Variants in KDM5B observed in about 807,000 individuals in gnomAD.
The protein encoded by KDM5B is lysine-specific demethylase 5B.
Under a neutral mutation model 193.4 loss-of-function variants are expected in KDM5B, and 144 were observed. The observed-to-expected ratio is 0.74, with a 90% CI of 0.65 to 0.86. KDM5B has a LOEUF of 0.86. Ranked by LOEUF, KDM5B falls within the 40% of genes least tolerant of loss-of-function variation. KDM5B has a pLI of 0.00. For missense variants in KDM5B, 1,833 were observed against 1,886.9 expected (o/e 0.97, Z 0.53); for synonymous variants, 668 against 682.6 (o/e 0.98, Z 0.33).
At chr1:202,771,613 G>A (rs1656723089) in intron 4 of KDM5B, among the ~76,000 whole-genome samples, 1 of 139,286 alleles carries the variant, frequency 7.2e-6, no homozygotes, top group African/African-American at 2.7e-5. Context: ...GAAGAGTCTT[G>A]CTCTGTCACC....
rs1654751903 is a variant in KDM5B at position 202,728,433 on chromosome 1, G to C, written c.*603C>G. 1 of 152,756 alleles carries C rather than the reference G, an allele frequency of 6.5e-6. No individual in the cohort carries two copies. The highest frequency in any genetic ancestry group is 2.1e-4 in the South Asian group (1 of 4,836). 9.5% of individuals were successfully genotyped at this position (152,756 alleles called of 1,614,324 possible). A position where few individuals can be genotyped will look rare whatever the true frequency, so the allele number is the denominator to read the frequency against. ...GCACCAACACACTGTTTGGAAGTTT[G>C]TTTTGTTTTGTTTTAATTCCAGCCA... On this transcript the variant is annotated 3_prime_UTR_variant, in exon 27 of 27. Coordinates refer to ENST00000367265, the MANE Select transcript of KDM5B (RefSeq NM_006618.5).
chr1:202,746,779 A>T (rs1402809744), intron 14 of KDM5B, among the ~76,000 whole-genome samples: 1 of 152,226 alleles, frequency 6.6e-6, no homozygotes, highest in Non-Finnish European at 1.5e-5. Context: ...ACTATCGTGC[A>T]GAAATTGAGT....
At chr1:202,778,982 G>A (rs991500078) in intron 1 of KDM5B, among the ~76,000 whole-genome samples, 2 of 152,030 alleles carry the variant, frequency 1.3e-5, no homozygotes, top group African/African-American at 4.8e-5. Flanking sequence ...GTCGGGGGGC[G>A]GAACAGGCTT....
At position 202,807,647 on chromosome 1, in the gene KDM5B, A is replaced by AC. The variant is rs2102360091; in HGVS notation, c.204+454dup. Among the ~76,000 whole-genome samples the AC allele has an allele frequency of 3.1e-5, 2 of 63,656 alleles. 1 individual carries two copies. Among genetic ancestry groups the AC allele is most frequent in the South Asian group, 1.3e-3 (2 of 1,566 alleles). The allele number at this position is 63,656 out of a possible 152,430, so 41.8% of individuals were successfully genotyped here. ...TCGCACGACAACTCGCAAGTCCCCC[A>AC]CCCCCACCCCACCCCATCACACACC... On this transcript the variant is annotated intron_variant, in intron 1 of 26. Coordinates refer to ENST00000367265, the MANE Select transcript of KDM5B (RefSeq NM_006618.5).
At chr1:202,804,390 G>A (rs1658200732) in intron 1 of KDM5B, among the ~76,000 whole-genome samples, 1 of 151,944 alleles carries the variant, frequency 6.6e-6, no homozygotes, top group African/African-American at 2.4e-5. Flanking sequence ...AAAGAAATAG[G>A]GAAAACAGAG....
chr1:202,744,028 TATC>T (rs34631149), intron 16 of KDM5B, among the ~76,000 whole-genome samples: 20,188 of 152,086 alleles, frequency 0.13, 1,613 homozygotes, highest in Middle Eastern at 0.2. Flanking sequence ...CAAAAGAAAC[TATC>T]ATCAGAGTGA....
intron 11 of KDM5B, among the ~76,000 whole-genome samples, chr1:202,754,156 G>T (rs576992313): frequency 7.2e-4 from 110 of 152,230 alleles, no homozygotes; most frequent in African/African-American, 2.6e-3. Flanking sequence ...ATTCTTCAAA[G>T]GACTTTAAAT....
Position 202,726,070 on chromosome 1 carries a change from G to A in KDM5B, c.*2966C>T, listed in dbSNP as rs1016028538. ...GCCATGTTTCACCCTCTTCCAGGTA[G>A]AGATCTACTCTATTCTTAGGCTAAT... On this transcript the variant is annotated 3_prime_UTR_variant, in exon 27 of 27. Transcript: ENST00000367265. The A allele has an allele frequency of 6.6e-6, 1 of 152,134 alleles. No homozygotes were observed. The highest frequency in any genetic ancestry group is 1.5e-5 in the Non-Finnish European group (1 of 68,036). The allele number at this position is 152,134 out of a possible 1,614,324, so 9.4% of individuals were successfully genotyped here. A position where few individuals can be genotyped will look rare whatever the true frequency, so the allele number is the denominator to read the frequency against.
At chr1:202,744,390 T>A (rs534719704) in intron 16 of KDM5B, among the ~76,000 whole-genome samples, 1 of 152,252 alleles carries the variant, frequency 6.6e-6, no homozygotes, top group South Asian at 2.1e-4. Context: ...AAATCCTGTC[T>A]CTACTAAAAA....
chr1:202,729,323 T>C (rs1374819233), intron 26 of KDM5B, 150 bp from the exon 27 acceptor site: 1 of 794,812 alleles, frequency 1.3e-6, no homozygotes, highest in East Asian at 2.7e-5. Context: ...GCCAAATGAG[T>C]GTAGCTGGCC....
intron 1 of KDM5B, among the ~76,000 whole-genome samples, chr1:202,792,679 A>G (rs1416357860): frequency 1.3e-5 from 2 of 152,196 alleles, no homozygotes; most frequent in Non-Finnish European, 2.9e-5. Flanking sequence ...GGCCAGAAGG[A>G]AGAGAGAGAA....
chr1:202,738,974 G>A (rs982951812), intron 20 of KDM5B, among the ~76,000 whole-genome samples: 19 of 152,100 alleles, frequency 1.2e-4, no homozygotes, highest in Admixed American at 1.2e-3. Context: ...AATTACTTTG[G>A]AACTGGGTAG....
chr1:202,740,615 G>T, intron 20 of KDM5B, 59 bp downstream of exon 20: 1 of 1,494,478 alleles, frequency 6.7e-7, no homozygotes, highest in Non-Finnish European at 9.1e-7. Context: ...CGGACGGGGC[G>T]CCAATATTGC....
chr1:202,770,347 C>T (rs777556004), intron 4 of KDM5B, among the ~76,000 whole-genome samples: 4 of 152,104 alleles, frequency 2.6e-5, no homozygotes, highest in Admixed American at 6.6e-5. Context: ...TCCACTGGAA[C>T]AGTGCATCAA....
At chr1:202,794,355 T>C (rs1057439770) in intron 1 of KDM5B, among the ~76,000 whole-genome samples, 1 of 152,242 alleles carries the variant, frequency 6.6e-6, no homozygotes, top group African/African-American at 2.4e-5. Flanking sequence ...ATTAAAATGT[T>C]TCAGTATCTG....
chr1:202,743,215 T>G (rs1655416388), intron 16 of KDM5B, among the ~76,000 whole-genome samples: 1 of 151,872 alleles, frequency 6.6e-6, no homozygotes, highest in African/African-American at 2.4e-5. Flanking sequence ...CACACAACTG[T>G]AGTCCCAACT....
intron 12 of KDM5B, 91 bp from the exon 13 acceptor site, chr1:202,750,869 C>A: frequency 1.5e-6 from 2 of 1,309,316 alleles, no homozygotes; most frequent in Non-Finnish European, 2.1e-6. Flanking sequence ...AGATAATTTT[C>A]AAAAAAAGGC....
At chr1:202,777,579 T>G (rs1358979763) in intron 1 of KDM5B, among the ~76,000 whole-genome samples, 1 of 152,050 alleles carries the variant, frequency 6.6e-6, no homozygotes, top group Non-Finnish European at 1.5e-5. Flanking sequence ...TGGAAACCTC[T>G]GCCTCCTGAG....
At chr1:202,771,028 CAT>C (rs1428683806) in intron 4 of KDM5B, among the ~76,000 whole-genome samples, 1 of 152,068 alleles carries the variant, frequency 6.6e-6, no homozygotes, top group Non-Finnish European at 1.5e-5. Flanking sequence ...ATATAAGTGA[CAT>C]GTTTCTAAAA....
Sources: allele counts gnomAD v4.1 joint callset (sites outside exome capture counted in the v4.1 genomes callset), GRCh38; gene constraint gnomAD v4.1.1; transcripts MANE v1.5; gene names NCBI Gene and HGNC (gene_info 2026-07-23, HGNC 2026-07-21).